TWIST2: variants seen among roughly 807,000 people sequenced by gnomAD.
TWIST2 encodes the protein twist family bHLH transcription factor 2.
In TWIST2, 1 loss-of-function variant was observed where a neutral mutation model predicts 11.6. The ratio of observed to expected loss-of-function variants is 0.09; its 90% confidence interval spans 0.03 to 0.41. The LOEUF is 0.41. Ranked by LOEUF, TWIST2 falls within the 10% of genes least tolerant of loss-of-function variation. The pLI, the probability that TWIST2 is intolerant of heterozygous loss-of-function variation, is 0.98. For missense variants in TWIST2, 168 were observed against 226.4 expected (o/e 0.74, Z 1.66); for synonymous variants, 87 against 96.6 (o/e 0.90, Z 0.58).
chr2:238,868,518 C>G (rs1159949403), intron 1 of TWIST2, among the ~76,000 whole-genome samples: 1 of 152,328 alleles, frequency 6.6e-6, no homozygotes, highest in Admixed American at 6.5e-5. Context: ...TCCCAGTCTC[C>G]TCCCATTCCA....
chr2:238,862,383 A>G (rs2106353133), intron 1 of TWIST2, among the ~76,000 whole-genome samples: 2 of 152,370 alleles, frequency 1.3e-5, no homozygotes, highest in South Asian at 4.1e-4. Flanking sequence ...TAAAAAATTT[A>G]AAAAGACAAT....
intron 1 of TWIST2, among the ~76,000 whole-genome samples, chr2:238,908,846 GTGTT>G: frequency 5.8e-5 from 1 of 17,144 alleles, no homozygotes; most frequent in East Asian, 1.8e-3. Flanking sequence ...TGTGTGTGAT[GTGTT>G]TGTGTGTGGG....
In TWIST2 at chr2:238,863,529, C is replaced by T. The variant is rs920367056; in HGVS notation, c.*35+14796C>T. Among the ~76,000 whole-genome samples the T allele has an allele frequency of 5.3e-5, 8 of 152,138 alleles. No individual in the cohort carries two copies. Among genetic ancestry groups the T allele is most frequent in the Non-Finnish European group, 1.2e-4 (8 of 68,010 alleles). On this transcript the variant is annotated intron_variant, in intron 1 of 1. Coordinates refer to ENST00000612363, the MANE Select transcript of TWIST2 (RefSeq NM_001271893.4). This position sits in a 1 kb window ranked among gnomAD's most constrained non-coding sequence, Gnocchi z 4.7. ...TACCCGCTGGGCAGTTCCCAAATGG[C>T]GCTTCATGATGGGACTGGCGCTCAT...
rs1236703929 is a variant in TWIST2, at chr2:238,867,924, G to A, written c.*35+19191G>A. ...AGCAGGTGGGCTGAAGAATGTGTTG[G>A]AGCAGAGACTGTGGTCAGCGGAAGG... On this transcript the variant is annotated intron_variant, in intron 1 of 1. Coordinates refer to ENST00000612363, the MANE Select transcript of TWIST2 (RefSeq NM_001271893.4). The surrounding 1 kb of genome is among the most constrained non-coding windows in gnomAD (Gnocchi z 4.8). Among the ~76,000 whole-genome samples the A allele has an allele frequency of 6.6e-6, 1 of 152,200 alleles. No homozygotes were observed. The highest frequency in any genetic ancestry group is 1.5e-5 in the Non-Finnish European group (1 of 68,038).
At chr2:238,873,289 T>C (rs1209842425) in intron 1 of TWIST2, among the ~76,000 whole-genome samples, 1 of 151,954 alleles carries the variant, frequency 6.6e-6, no homozygotes, top group East Asian at 1.9e-4. Flanking sequence ...ACCATGAAGC[T>C]TGCCATGGGA....
At chr2:238,899,708 T>G (rs2106372555) in intron 1 of TWIST2, among the ~76,000 whole-genome samples, 1 of 152,348 alleles carries the variant, frequency 6.6e-6, no homozygotes, top group African/African-American at 2.4e-5. Flanking sequence ...CCCTTCTTGG[T>G]CATCTGGAAT....
At chr2:238,890,538 G>A (rs946059065) in intron 1 of TWIST2, among the ~76,000 whole-genome samples, 1 of 152,150 alleles carries the variant, frequency 6.6e-6, no homozygotes, top group African/African-American at 2.4e-5. Flanking sequence ...GTGCATGTGT[G>A]GCCAACTCTC....
intron 1 of TWIST2, among the ~76,000 whole-genome samples, chr2:238,886,584 C>A (rs1358752207): frequency 6.6e-6 from 1 of 151,718 alleles, no homozygotes; most frequent in African/African-American, 2.4e-5. Context: ...TGTCTGGAGC[C>A]CCGGGGGCAT....
chr2:238,883,032 T>C (rs967952959), intron 1 of TWIST2, among the ~76,000 whole-genome samples: 1 of 152,196 alleles, frequency 6.6e-6, no homozygotes, highest in African/African-American at 2.4e-5. Flanking sequence ...GAGATGGACA[T>C]GAATGTTTCT....
At chr2:238,885,114 T>C (rs1693009768) in intron 1 of TWIST2, among the ~76,000 whole-genome samples, 1 of 152,194 alleles carries the variant, frequency 6.6e-6, no homozygotes, top group African/African-American at 2.4e-5. Context: ...CCTCCCAGAT[T>C]GTGCAGATGC....
chr2:238,889,314 GA>G (rs1427683256), intron 1 of TWIST2, among the ~76,000 whole-genome samples: 1 of 152,206 alleles, frequency 6.6e-6, no homozygotes, highest in Admixed American at 6.5e-5. Context: ...CCTCCTTAGA[GA>G]AGCAGTGTGT....
intron 1 of TWIST2, among the ~76,000 whole-genome samples, chr2:238,859,573 C>CAAA (rs368480992): frequency 6.9e-6 from 1 of 144,942 alleles, no homozygotes; most frequent in African/African-American, 2.5e-5. Context: ...CTACTATCAC[C>CAAA]AAAAAAAAAA....
chr2:238,856,553 AAAAT>A (rs1692331863), intron 1 of TWIST2, among the ~76,000 whole-genome samples: 2 of 152,166 alleles, frequency 1.3e-5, no homozygotes, highest in Admixed American at 1.3e-4. Flanking sequence ...TATGAAGGAC[AAAAT>A]AAAAGAGAAG....
chr2:238,853,448 G>GGA (rs375821278), intron 1 of TWIST2, among the ~76,000 whole-genome samples: 35,299 of 130,380 alleles, frequency 0.27, 5,198 homozygotes, highest in South Asian at 0.36. Flanking sequence ...AGGGAGAGAT[G>GGA]GAGAGAGAGA....
chr2:238,884,068 C>T (rs771566886), intron 1 of TWIST2, among the ~76,000 whole-genome samples: 37 of 152,220 alleles, frequency 2.4e-4, no homozygotes, highest in African/African-American at 8.4e-4. Flanking sequence ...TTCCTCCCTT[C>T]GGAAATCTGT....
At position 238,858,278 on chromosome 2, in the gene TWIST2, T is replaced by C. The variant is rs191349611; in HGVS notation, c.*35+9545T>C. On this transcript the variant is annotated intron_variant, in intron 1 of 1. Transcript: ENST00000612363. ...CATAATTAACTAATTCTGAGAACTT[T>C]TAAATGCTTGTGACTATACATGATC... is the stretch of plus-strand genomic sequence containing the variant. Among the ~76,000 whole-genome samples the C allele has an allele frequency of 4.1e-3, 618 of 152,326 alleles. 5 individuals are homozygous for C. The highest frequency in any genetic ancestry group is 3.6e-3 in the Non-Finnish European group (247 of 68,024).
intron 1 of TWIST2, among the ~76,000 whole-genome samples, chr2:238,885,039 G>A (rs1693007961): frequency 6.6e-6 from 1 of 152,222 alleles, no homozygotes; most frequent in South Asian, 2.1e-4. Flanking sequence ...GCCTGGAGCG[G>A]GTGGGGGTCA....
At chr2:238,897,647 A>C (rs984136809) in intron 1 of TWIST2, among the ~76,000 whole-genome samples, 31 of 151,568 alleles carry the variant, frequency 2.0e-4, no homozygotes, top group African/African-American at 7.3e-4. Flanking sequence ...GAGGCATCAC[A>C]CTCTCTACCG....
At chr2:238,887,367 A>G (rs895556203) in intron 1 of TWIST2, 1 of 152,062 alleles carries the variant, frequency 6.6e-6, no homozygotes, top group Non-Finnish European at 1.5e-5. Flanking sequence ...CTCTTTCCCC[A>G]TGAGACTTAC....
Sources: allele counts gnomAD v4.1 joint callset (sites outside exome capture counted in the v4.1 genomes callset), GRCh38; gene constraint gnomAD v4.1.1; non-coding constraint Gnocchi (gnomAD v3.1); transcripts MANE v1.5; gene names NCBI Gene and HGNC (gene_info 2026-07-23, HGNC 2026-07-21).